Variants in SEC24B observed in about 807,000 individuals in gnomAD.
SEC24B encodes SEC24 homolog B, COPII component.
A neutral mutation model predicts 142.8 loss-of-function variants in SEC24B; 45 were observed. That is an observed-to-expected ratio of 0.32 (90% CI 0.25 to 0.40). The LOEUF (loss-of-function observed/expected upper bound fraction) is 0.40, where lower values mean the gene tolerates loss of function less well. Among genes scored for constraint, SEC24B ranks in the 10% least tolerant of loss-of-function variants. The pLI is 1.00. For missense variants in SEC24B, 1,409 were observed against 1,526.8 expected (o/e 0.92, Z 1.29); for synonymous variants, 574 against 568.2 (o/e 1.01, Z -0.15).
intron 4 of SEC24B, among the ~76,000 whole-genome samples, chr4:109,483,044 G>GTATTTATATATATATATGTATT (rs756610936): frequency 0.05 from 5,100 of 102,832 alleles, 163 homozygotes; most frequent in African/African-American, 0.075. Context: ...TTATATATAT[G>GTATTTATATATATATATGTATT]TATTTATGTA....
At chr4:109,449,412 T>TTTTTG in intron 1 of SEC24B, 1 of 351,078 alleles carries the variant, frequency 2.8e-6, no homozygotes, top group Non-Finnish European at 5.7e-6. Context: ...TTTTTTTTTT[T>TTTTTG]GTAGAGACGG....
Position 109,506,434 on chromosome 4 carries a change from A to C in SEC24B, c.1595A>C (p.Asn532Thr). ...CCTGTAAACCTTACTCAGGAGAGGA[A>C]TATTTTACCTATGACTCCTGTTTGG... ...LRPVNLTQERNILPMTPVWAP... is the reference protein window; with the variant it reads ...LRPVNLTQERTILPMTPVWAP... The change falls in exon 7 of 24, where the codon AAT (asparagine) becomes ACT (threonine). Residue 532 changes from asparagine (N) to threonine (T), a missense_variant. By Grantham distance (65) the Asn-to-Thr change is moderately conservative (BLOSUM62 0). Transcript: ENST00000265175. 1 of 1,610,148 alleles carries C rather than the reference A, an allele frequency of 6.2e-7. No homozygotes were observed. Among genetic ancestry groups the C allele is most frequent in the South Asian group, 1.1e-5 (1 of 90,418 alleles).
At chr4:109,500,221 T>C (rs1308082942) in intron 6 of SEC24B, among the ~76,000 whole-genome samples, 1 of 152,128 alleles carries the variant, frequency 6.6e-6, no homozygotes, top group African/African-American at 2.4e-5. Flanking sequence ...TTTAGATTGG[T>C]GCAAAAGTCA....
chr4:109,436,921 T>A (rs1453733893), intron 1 of SEC24B, among the ~76,000 whole-genome samples: 6 of 152,232 alleles, frequency 3.9e-5, no homozygotes, highest in Non-Finnish European at 8.8e-5. Flanking sequence ...CTTTGTAATA[T>A]CCTTTATAAT....
rs553574684 is a variant in SEC24B at position 109,463,550 on chromosome 4, G to T, written c.783G>T (p.Thr261=). Residue 261 remains threonine (T), a synonymous_variant, in exon 2 of 24, where the codon ACG becomes ACT. Transcript: ENST00000265175. ...QQSLSGYSTL[T]WSSPGLPSTQ... ...GTCTTTCAGGATACAGTACTCTAACGTGGTCATCTCCAGGCCTTCCATCGA... is the reference window on the plus strand; with the variant it reads ...GTCTTTCAGGATACAGTACTCTAACTTGGTCATCTCCAGGCCTTCCATCGA... 4 of 1,613,968 alleles carry T rather than the reference G, an allele frequency of 2.5e-6. No homozygotes were observed. The highest frequency in any genetic ancestry group is 2.7e-5 in the African/African-American group (2 of 74,892).
At chr4:109,526,488 A>C in intron 17 of SEC24B, 89 bp downstream of exon 17, 4 of 900,744 alleles carry the variant, frequency 4.4e-6, no homozygotes, top group Non-Finnish European at 6.7e-6. Context: ...AAAAGAATGA[A>C]TACACAGTGG....
At chr4:109,478,125 T>C (rs1733365080) in intron 3 of SEC24B, among the ~76,000 whole-genome samples, 1 of 151,668 alleles carries the variant, frequency 6.6e-6, no homozygotes. Context: ...CTACCAAAAA[T>C]GTAAAAAAAA....
At position 109,471,931 on chromosome 4, in the gene SEC24B, C is replaced by G. The variant is rs559160374; in HGVS notation, c.878-1073C>G. Among the ~76,000 whole-genome samples the G allele has an allele frequency of 4.6e-5, 7 of 152,254 alleles. No homozygotes were observed. The East Asian group carries it at 9.7e-4, about 21-fold the overall frequency. ...GATTCAAAGGGTGGTAAAATAGACTCCATATTGATGAAAGGAACTGTAAAA... is the reference window on the plus strand; with the variant it reads ...GATTCAAAGGGTGGTAAAATAGACTGCATATTGATGAAAGGAACTGTAAAA... On this transcript the variant is annotated intron_variant, in intron 2 of 23. Transcript: ENST00000265175.
intron 7 of SEC24B, 53 bp from the exon 8 acceptor site, chr4:109,509,956 G>A: frequency 3.7e-6 from 4 of 1,069,564 alleles, no homozygotes; most frequent in Middle Eastern, 2.0e-4. Context: ...ATCTACTTCA[G>A]TGTATTTTTC....
At chr4:109,445,242 GTTTTTTTTTTTT>G (rs70949078) in intron 1 of SEC24B, among the ~76,000 whole-genome samples, 5 of 112,780 alleles carry the variant, frequency 4.4e-5, no homozygotes, top group African/African-American at 1.9e-4. Flanking sequence ...TTCTTTCTTT[GTTTTTTTTTTTT>G]TTTTTTTGAG....
rs530272939 is a variant in SEC24B at position 109,538,707 on chromosome 4, ATGT to A, written c.3692+116_3692+118del. On this transcript the variant is annotated intron_variant, in intron 23 of 23. Coordinates refer to ENST00000265175, the MANE Select transcript of SEC24B (RefSeq NM_006323.5). The stretch of plus-strand genomic sequence containing the variant: ...TAGCAAAATATATTCTGATGGTAAA[ATGT>A]TGTTACTTGATTTAAATCCCCTGTA... The A allele has an allele frequency of 3.0e-4, 195 of 644,430 alleles. 3 individuals are homozygous for A. In the South Asian group the frequency reaches 3.9e-3, roughly 13 times the overall value. The allele number at this position is 644,430 out of a possible 1,614,324, so 39.9% of individuals were successfully genotyped here. A position where few individuals can be genotyped will look rare whatever the true frequency, so the allele number is the denominator to read the frequency against.
At chr4:109,490,424 A>G (rs935016269) in intron 4 of SEC24B, among the ~76,000 whole-genome samples, 1 of 152,114 alleles carries the variant, frequency 6.6e-6, no homozygotes, top group African/African-American at 2.4e-5. Context: ...CAGTTATAAT[A>G]CTGGTATTAA....
chr4:109,531,054 A>G (rs1431358413), intron 19 of SEC24B, among the ~76,000 whole-genome samples: 1 of 152,190 alleles, frequency 6.6e-6, no homozygotes, highest in African/African-American at 2.4e-5. Context: ...GTCCTCTGGA[A>G]AGAGACTCTT....
At chr4:109,491,003 A>G (rs1219765655) in intron 4 of SEC24B, among the ~76,000 whole-genome samples, 1 of 152,128 alleles carries the variant, frequency 6.6e-6, no homozygotes, top group African/African-American at 2.4e-5. Flanking sequence ...ATGTGACTAT[A>G]TTAACATTTC....
intron 1 of SEC24B, among the ~76,000 whole-genome samples, chr4:109,459,259 C>T (rs1731017870): frequency 6.6e-6 from 1 of 152,110 alleles, no homozygotes; most frequent in African/African-American, 2.4e-5. Flanking sequence ...TCATGAGAGG[C>T]AGAAACAACT....
chr4:109,483,788 A>AT (rs929906956), intron 4 of SEC24B, among the ~76,000 whole-genome samples: 1 of 152,072 alleles, frequency 6.6e-6, no homozygotes, highest in African/African-American at 2.4e-5. Context: ...TGTTTCTGAA[A>AT]TTTTTTTTGT....
chr4:109,506,816 CAAT>C (rs1442243072), intron 7 of SEC24B, among the ~76,000 whole-genome samples: 2 of 152,042 alleles, frequency 1.3e-5, no homozygotes, highest in Non-Finnish European at 2.9e-5. Flanking sequence ...CCTCACTTTT[CAAT>C]AATAATAACT....
chr4:109,526,531 A>G (rs1724245584), intron 17 of SEC24B, 132 bp downstream of exon 17: 2 of 573,396 alleles, frequency 3.5e-6, no homozygotes, highest in Middle Eastern at 4.6e-4. Context: ...TTAATCAAAC[A>G]TATGTTGTTA....
intron 5 of SEC24B, among the ~76,000 whole-genome samples, chr4:109,493,369 C>A (rs1030075818): frequency 6.6e-6 from 1 of 152,070 alleles, no homozygotes; most frequent in African/African-American, 2.4e-5. Context: ...ATCTTACGAA[C>A]TAAAATGAAT....
Sources: gnomAD v4.1 joint callset for allele counts (sites outside exome capture counted in the v4.1 genomes callset) on GRCh38, gnomAD v4.1.1 for gene constraint, MANE v1.5 for transcripts, NCBI Gene and HGNC (gene_info 2026-07-23, HGNC 2026-07-21) for gene names.